MYO16: variants seen among roughly 807,000 people sequenced by gnomAD.
MYO16 encodes the protein myosin XVI.
In MYO16, 94 loss-of-function variants were observed where a neutral mutation model predicts 205.3. The ratio of observed to expected loss-of-function variants is 0.46; its 90% confidence interval spans 0.39 to 0.54. The LOEUF (loss-of-function observed/expected upper bound fraction) is 0.54, where lower values mean the gene tolerates loss of function less well. MYO16 is among the 20% of genes least tolerant of loss of function. The pLI, the probability that MYO16 is intolerant of heterozygous loss-of-function variation, is 0.00. For synonymous variants in MYO16, 988 were observed against 954.0 expected (o/e 1.04, Z -0.66); for missense variants, 2,315 against 2,387.5 (o/e 0.97, Z 0.63).
intron 23 of MYO16, among the ~76,000 whole-genome samples, chr13:109,028,245 A>G (rs951191343): frequency 1.4e-5 from 2 of 144,246 alleles, no homozygotes; most frequent in African/African-American, 2.5e-5. Context: ...ATATAAACAT[A>G]TAATATAAAA....
chr13:108,797,334 T>A (rs1444288277), intron 6 of MYO16, among the ~76,000 whole-genome samples: 1 of 152,164 alleles, frequency 6.6e-6, no homozygotes. Flanking sequence ...AACATTAGCA[T>A]ATATGTGATG....
At chr13:108,703,352 G>C (rs1883381978) in intron 2 of MYO16, among the ~76,000 whole-genome samples, 1 of 152,040 alleles carries the variant, frequency 6.6e-6, no homozygotes. Flanking sequence ...AGTGATAAAG[G>C]AATTATTCCA....
rs182826888 is a variant in MYO16, at chr13:108,736,533, T to C, written c.507+8950T>C. Among the ~76,000 whole-genome samples, 3 of 152,330 alleles carry C rather than the reference T, an allele frequency of 2.0e-5. No individual in the cohort carries two copies. In the East Asian group the frequency reaches 5.8e-4, roughly 29 times the overall value. On this transcript the variant is annotated intron_variant, in intron 4 of 34. Coordinates refer to ENST00000457511, the MANE Select transcript of MYO16 (RefSeq NM_001198950.3). ...GTTTTGGTACCAGTACCATGCTGTT[T>C]TGGTTACTATAACCTTGTAGTATAG...
At chr13:108,711,511 A>G (rs1883722818) in intron 2 of MYO16, among the ~76,000 whole-genome samples, 1 of 152,230 alleles carries the variant, frequency 6.6e-6, no homozygotes, top group Non-Finnish European at 1.5e-5. Context: ...GACCTGGCTC[A>G]CAGGCGGAGG....
At chr13:109,117,220 T>C (rs2139752738) in intron 28 of MYO16, among the ~76,000 whole-genome samples, 1 of 152,192 alleles carries the variant, frequency 6.6e-6, no homozygotes, top group South Asian at 2.1e-4. Flanking sequence ...TCTGTCTCTG[T>C]GACTCACTTT....
At chr13:108,926,274 A>G (rs922024481) in intron 16 of MYO16, among the ~76,000 whole-genome samples, 3 of 152,228 alleles carry the variant, frequency 2.0e-5, no homozygotes, top group Non-Finnish European at 4.4e-5. Flanking sequence ...ACAGAGTCGC[A>G]GTCTTCACTC....
At chr13:108,853,954 TTGTGTGTGTG>T (rs5806760) in intron 10 of MYO16, among the ~76,000 whole-genome samples, 20,668 of 138,528 alleles carry the variant, frequency 0.15, 1,736 homozygotes, top group South Asian at 0.28. Flanking sequence ...GTTTCTATTA[TTGTGTGTGTG>T]TGTGTGTGTG....
intron 5 of MYO16, among the ~76,000 whole-genome samples, chr13:108,788,707 T>C (rs1462783816): frequency 6.6e-6 from 1 of 152,042 alleles, no homozygotes; most frequent in Non-Finnish European, 1.5e-5. Context: ...TACAAACCCA[T>C]TGGAAATGCC....
chr13:109,073,486 C>T (rs889113205), intron 27 of MYO16, among the ~76,000 whole-genome samples: 4 of 152,032 alleles, frequency 2.6e-5, no homozygotes, highest in Non-Finnish European at 5.9e-5. Context: ...TGAATTCCTT[C>T]ATTTAGTGTA....
intron 34 of MYO16, chr13:109,201,491 C>CAAAAAAAAAAAAAAAAAAA (rs3042152): frequency 1.0e-5 from 1 of 97,356 alleles, no homozygotes; most frequent in African/African-American, 4.0e-5. Context: ...TCGTCTTCTA[C>CAAAAAAAAAAAAAAAAAAA]AAAAAAAAAA....
chr13:108,614,518 C>A (rs1210505589), intron 1 of MYO16, among the ~76,000 whole-genome samples: 1 of 152,052 alleles, frequency 6.6e-6, no homozygotes, highest in Non-Finnish European at 1.5e-5. Context: ...TAACTAAAAA[C>A]TATCTTTAAA....
chr13:108,576,393 C>A, the MYO16 span, among the ~76,000 whole-genome samples: 1 of 152,078 alleles, frequency 6.6e-6, no homozygotes, highest in African/African-American at 2.4e-5. Flanking sequence ...AGTGCATTGG[C>A]CACTGTCATA....
At chr13:109,078,811 A>G (rs187288732) in intron 27 of MYO16, among the ~76,000 whole-genome samples, 1 of 152,294 alleles carries the variant, frequency 6.6e-6, no homozygotes, top group East Asian at 1.9e-4. Flanking sequence ...CGAGTTTTGT[A>G]CGCAGTGCCC....
At chr13:108,803,451 C>G (rs1406899169) in intron 6 of MYO16, among the ~76,000 whole-genome samples, 3 of 152,156 alleles carry the variant, frequency 2.0e-5, no homozygotes, top group Non-Finnish European at 4.4e-5. Context: ...ATGAAACGAA[C>G]AGGCTGTCAA....
intron 18 of MYO16, among the ~76,000 whole-genome samples, chr13:108,962,060 C>T (rs941347108): frequency 2.6e-5 from 4 of 152,118 alleles, no homozygotes; most frequent in Admixed American, 6.5e-5. Context: ...CCTCGTTAGT[C>T]GCTCCCAGAT....
chr13:108,647,377 T>C (rs1880800998), intron 1 of MYO16, among the ~76,000 whole-genome samples: 1 of 152,178 alleles, frequency 6.6e-6, no homozygotes, highest in African/African-American at 2.4e-5. Context: ...TCCACTATTT[T>C]TTTGTAATGC....
At chr13:109,071,937 A>G (rs1887937176) in intron 27 of MYO16, among the ~76,000 whole-genome samples, 1 of 152,150 alleles carries the variant, frequency 6.6e-6, no homozygotes, top group Admixed American at 6.5e-5. Context: ...TCACCTTCCC[A>G]CACTTGAATG....
chr13:108,600,582 G>A (rs1319066291), intron 1 of MYO16, among the ~76,000 whole-genome samples: 2 of 152,162 alleles, frequency 1.3e-5, no homozygotes, highest in East Asian at 1.9e-4. Flanking sequence ...AGTTCCCTAG[G>A]AGAGAAGCAA....
rs369086139 is a variant in MYO16 at position 108,886,597 on chromosome 13, C to G, written c.1554-1775C>G. ...CGCAAACTGCTGGCGGCTCCACCCC[C>G]CGTCCTTCCAGTGCGCATGCTGAGG... On this transcript the variant is annotated intron_variant, in intron 13 of 34. Transcript: ENST00000457511. 828 of 426,466 alleles carry G rather than the reference C, an allele frequency of 1.9e-3. 13 individuals carry two copies. Among genetic ancestry groups the G allele is most frequent in the South Asian group, 0.014 (805 of 59,382 alleles). The allele number at this position is 426,466 out of a possible 1,614,324, so 26.4% of individuals were successfully genotyped here. A position where few individuals can be genotyped will look rare whatever the true frequency, so the allele number is the denominator to read the frequency against.
Sources: allele counts gnomAD v4.1 joint callset (sites outside exome capture counted in the v4.1 genomes callset), GRCh38; gene constraint gnomAD v4.1.1; transcripts MANE v1.5; gene names NCBI Gene and HGNC (gene_info 2026-07-23, HGNC 2026-07-21).